Variants in SYTL3 observed in about 807,000 individuals in gnomAD.
SYTL3 encodes synaptotagmin-like protein 3.
A neutral mutation model predicts 82.1 loss-of-function variants in SYTL3; 88 were observed. The observed-to-expected ratio is 1.07, with a 90% CI of 0.90 to 1.28. The LOEUF is 1.28. Ranked by LOEUF, SYTL3 falls within the 50% of genes most tolerant of loss-of-function variation. The probability of loss-of-function intolerance (pLI) is 0.00; values close to 1 mark genes in which losing one functional copy is unlikely to be tolerated. For synonymous variants in SYTL3, 311 were observed against 289.4 expected (o/e 1.07, Z -0.76); for missense variants, 831 against 757.6 (o/e 1.10, Z -1.14).
At chr6:158,720,197 T>C (rs1783918314) in intron 10 of SYTL3, among the ~76,000 whole-genome samples, 1 of 152,010 alleles carries the variant, frequency 6.6e-6, no homozygotes, top group Non-Finnish European at 1.5e-5. Context: ...AGTTCAGGCG[T>C]TCGAGAGCAG....
Position 158,708,320 on chromosome 6 carries a change from A to G in SYTL3, c.447-2A>G. On this transcript the variant is annotated splice_acceptor_variant, in intron 7 of 17. Transcript: ENST00000611299. LOFTEE classifies it high-confidence loss of function. ...TTCTTATGCCTGTGTTTTCCTTGGC[A>G]GCAAAATTTCTGTGGTTCCTCCTAC... 6.2e-7 allele frequency: 1 copy of G among 1,613,932 alleles called. No homozygotes were observed. The highest frequency in any genetic ancestry group is 8.5e-7 in the Non-Finnish European group (1 of 1,179,846).
upstream of SYTL3, among the ~76,000 whole-genome samples, chr6:158,645,789 A>C (rs1291086207): frequency 2.6e-5 from 4 of 152,174 alleles, no homozygotes; most frequent in Non-Finnish European, 5.9e-5. Flanking sequence ...CTGCCCTGCC[A>C]TAAGTCAATA....
intron 6 of SYTL3, among the ~76,000 whole-genome samples, chr6:158,684,822 A>G (rs184385582): frequency 5.3e-5 from 8 of 151,890 alleles, no homozygotes; most frequent in Non-Finnish European, 1.0e-4. Context: ...AAAAAAAAAA[A>G]AAAAACGCTG....
At chr6:158,743,349 T>C (rs1787178220) in intron 11 of SYTL3, among the ~76,000 whole-genome samples, 1 of 152,198 alleles carries the variant, frequency 6.6e-6, no homozygotes, top group Admixed American at 6.5e-5. Flanking sequence ...CTACAATCTC[T>C]TGAAATAGTT....
At chr6:158,679,307 C>G (rs1338196621) in intron 5 of SYTL3, among the ~76,000 whole-genome samples, 1 of 151,818 alleles carries the variant, frequency 6.6e-6, no homozygotes, top group African/African-American at 2.4e-5. Context: ...GAGGTTGAGG[C>G]TGCAGTGAGC....
intron 11 of SYTL3, among the ~76,000 whole-genome samples, chr6:158,743,484 A>G (rs1787193916): frequency 6.7e-6 from 1 of 148,924 alleles, no homozygotes; most frequent in Admixed American, 6.7e-5. Flanking sequence ...TTCTCCGTTC[A>G]TCTACCTGGT....
chr6:158,743,131 C>T (rs1262780908), intron 11 of SYTL3, among the ~76,000 whole-genome samples: 4 of 152,104 alleles, frequency 2.6e-5, no homozygotes, highest in African/African-American at 4.8e-5. Context: ...ACATCTTGGC[C>T]GTCCAGCCCT....
At chr6:158,687,004 C>T (rs1290743199) in intron 6 of SYTL3, among the ~76,000 whole-genome samples, 2 of 152,142 alleles carry the variant, frequency 1.3e-5, no homozygotes, top group African/African-American at 4.8e-5. Flanking sequence ...GTCATGGTAC[C>T]GGCAATACTC....
At chr6:158,664,362 T>C (rs538330102) in intron 4 of SYTL3, among the ~76,000 whole-genome samples, 6 of 152,246 alleles carry the variant, frequency 3.9e-5, no homozygotes, top group African/African-American at 1.4e-4. Flanking sequence ...CTGGCCAACA[T>C]AGTGAAACCC....
At chr6:158,735,393 A>C (rs1479369823) in intron 11 of SYTL3, among the ~76,000 whole-genome samples, 1 of 152,208 alleles carries the variant, frequency 6.6e-6, no homozygotes, top group Non-Finnish European at 1.5e-5. Context: ...GTGCAAATTC[A>C]GTAGGGCTGT....
intron 6 of SYTL3, among the ~76,000 whole-genome samples, chr6:158,693,638 G>A (rs1780161539): frequency 6.6e-6 from 1 of 151,680 alleles, no homozygotes; most frequent in Admixed American, 6.6e-5. Context: ...ACCTGCCTCA[G>A]CTTCCAAAAG....
At chr6:158,685,216 C>CTCTCT (rs769252041) in intron 6 of SYTL3, among the ~76,000 whole-genome samples, 2 of 135,674 alleles carry the variant, frequency 1.5e-5, no homozygotes, top group African/African-American at 2.8e-5. Context: ...CTCTCTCTCT[C>CTCTCT]TTTTTTTTTT....
intron 11 of SYTL3, among the ~76,000 whole-genome samples, chr6:158,729,599 CT>C (rs1297185994): frequency 7.0e-6 from 1 of 142,776 alleles, no homozygotes; most frequent in African/African-American, 2.6e-5. Context: ...CAGAGTCTCG[CT>C]TTGTCACGTA....
chr6:158,663,235 T>C lies in SYTL3; in HGVS notation c.-34T>C, dbSNP rs772658315. On this transcript the variant is annotated 5_prime_UTR_variant, in exon 4 of 18. Coordinates refer to ENST00000611299, the MANE Select transcript of SYTL3 (RefSeq NM_001242394.2). The stretch of plus-strand genomic sequence containing the variant: ...GAGCGCTTGGTCCATGCAGTGAAGC[T>C]CTTCCAACCTGGGTCAACGAAAACG... The C allele has an allele frequency of 2.5e-6, 4 of 1,606,160 alleles. No homozygotes were observed. Among genetic ancestry groups the C allele is most frequent in the Non-Finnish European group, 3.4e-6 (4 of 1,172,870 alleles).
chr6:158,660,313 G>GTA (rs1789228964), intron 2 of SYTL3, among the ~76,000 whole-genome samples: 1 of 152,282 alleles, frequency 6.6e-6, no homozygotes, highest in Middle Eastern at 3.4e-3. Context: ...ACCCGGAACA[G>GTA]CGCCTGGGGT....
chr6:158,669,790 A>G (rs1777152655), intron 5 of SYTL3, among the ~76,000 whole-genome samples: 1 of 152,162 alleles, frequency 6.6e-6, no homozygotes, highest in Non-Finnish European at 1.5e-5. Flanking sequence ...ATCAAAAGGG[A>G]GGTGAGCTGG....
chr6:158,725,355 G>A lies in SYTL3; in HGVS notation c.721-148G>A, dbSNP rs144425085. On this transcript the variant is annotated intron_variant, in intron 10 of 17. Coordinates refer to ENST00000611299, the MANE Select transcript of SYTL3 (RefSeq NM_001242394.2). ...TGTGTGTGTGTGTGCGCACGTGCACGCATTTACCAAATGCAGGTGTGTCCT... is the reference window on the plus strand; with the variant it reads ...TGTGTGTGTGTGTGCGCACGTGCACACATTTACCAAATGCAGGTGTGTCCT... 9.8e-5 allele frequency: 74 copies of A among 753,802 alleles called. No homozygotes were observed. In the East Asian group the frequency reaches 1.6e-3, roughly 16 times the overall value. The allele number at this position is 753,802 out of a possible 1,614,324, so 46.7% of individuals were successfully genotyped here.
intron 6 of SYTL3, among the ~76,000 whole-genome samples, chr6:158,692,484 C>T (rs986589010): frequency 6.6e-6 from 1 of 151,930 alleles, no homozygotes; most frequent in East Asian, 1.9e-4. Flanking sequence ...CTTTATCCCT[C>T]CCTCCCAGCA....
chr6:158,764,282 C>G (rs1790447389), intron 17 of SYTL3, among the ~76,000 whole-genome samples: 1 of 152,154 alleles, frequency 6.6e-6, no homozygotes, highest in Non-Finnish European at 1.5e-5. Context: ...GCTGTTAGAG[C>G]CTCGCAGAGC....
Sources: allele counts gnomAD v4.1 joint callset (sites outside exome capture counted in the v4.1 genomes callset), GRCh38; gene constraint gnomAD v4.1.1; transcripts MANE v1.5; gene names NCBI Gene and HGNC (gene_info 2026-07-23, HGNC 2026-07-21).